The following NCKAP5 variants were observed in gnomAD, a reference collection of about 807,000 sequenced individuals.
The protein encoded by NCKAP5 is nck-associated protein 5.
A neutral mutation model predicts 167.0 loss-of-function variants in NCKAP5; 92 were observed. The ratio of observed to expected loss-of-function variants is 0.55; its 90% CI spans 0.47 to 0.66. The LOEUF (loss-of-function observed/expected upper bound fraction) is 0.66. Ranked by LOEUF, NCKAP5 falls within the 30% of genes least tolerant of loss-of-function variation. The pLI is 0.00. For missense variants in NCKAP5, 2,378 were observed against 2,315.0 expected, an observed-to-expected ratio of 1.03 and a Z score of -0.56; for synonymous variants, 891 against 877.4, an observed-to-expected ratio of 1.02 and a Z score of -0.27.
the NCKAP5 span, among the ~76,000 whole-genome samples, chr2:133,578,967 C>T: frequency 6.6e-6 from 1 of 152,158 alleles, no homozygotes; most frequent in Non-Finnish European, 1.5e-5. Context: ...TTAAGAAACA[C>T]ATACTTAAAG....
chr2:132,678,789 C>G (rs1307094085), intron 19 of NCKAP5, among the ~76,000 whole-genome samples: 1 of 152,150 alleles, frequency 6.6e-6, no homozygotes, highest in Non-Finnish European at 1.5e-5. Context: ...AACAGCCTGA[C>G]TACAGGACTT....
chr2:132,903,136 T>C (rs1574576230), intron 8 of NCKAP5, among the ~76,000 whole-genome samples: 2 of 152,202 alleles, frequency 1.3e-5, no homozygotes, highest in Admixed American at 1.3e-4. Flanking sequence ...AGAAGATGCC[T>C]AGTCTAAAGT....
At chr2:132,780,352 G>A (rs749929075) in intron 15 of NCKAP5, among the ~76,000 whole-genome samples, 2 of 152,054 alleles carry the variant, frequency 1.3e-5, no homozygotes, top group Non-Finnish European at 1.5e-5. Flanking sequence ...GGGTTTCACC[G>A]TGTTAGCCAG....
chr2:132,718,444 CAG>C (rs1343111074), intron 19 of NCKAP5, among the ~76,000 whole-genome samples: 1 of 152,176 alleles, frequency 6.6e-6, no homozygotes, highest in African/African-American at 2.4e-5. Context: ...CAATTTGGGA[CAG>C]AGACTATGAG....
intron 7 of NCKAP5, among the ~76,000 whole-genome samples, chr2:132,990,076 T>C (rs1202683338): frequency 6.6e-6 from 1 of 152,154 alleles, no homozygotes; most frequent in Non-Finnish European, 1.5e-5. Flanking sequence ...GAACACAAGA[T>C]GCTCTGAGAA....
chr2:133,299,039 AAAATAAAT>A (rs370598080), intron 4 of NCKAP5, among the ~76,000 whole-genome samples: 2 of 151,568 alleles, frequency 1.3e-5, no homozygotes, highest in Admixed American at 6.6e-5. Flanking sequence ...TAAAAAAATA[AAAATAAAT>A]AAATAAATAA....
At chr2:133,093,235 C>G (rs1018243936) in intron 6 of NCKAP5, among the ~76,000 whole-genome samples, 2 of 152,116 alleles carry the variant, frequency 1.3e-5, no homozygotes, top group Non-Finnish European at 2.9e-5. Context: ...GGCCTAAACC[C>G]TAAGTATGTG....
intron 19 of NCKAP5, among the ~76,000 whole-genome samples, chr2:132,696,039 TA>T (rs1197553274): frequency 1.3e-5 from 2 of 152,182 alleles, no homozygotes; most frequent in Non-Finnish European, 2.9e-5. Context: ...TGGGTTGTTT[TA>T]AAAAAATAAC....
intron 11 of NCKAP5, among the ~76,000 whole-genome samples, chr2:132,815,274 T>C (rs1271773951): frequency 6.6e-6 from 1 of 152,182 alleles, no homozygotes; most frequent in Non-Finnish European, 1.5e-5. Context: ...TGGTTATGGA[T>C]CTATAAATAA....
chr2:133,503,430 A>T (rs1372829927), intron 3 of NCKAP5, among the ~76,000 whole-genome samples: 3 of 152,322 alleles, frequency 2.0e-5, no homozygotes, highest in Middle Eastern at 3.4e-3. Context: ...AGAAGAGGTT[A>T]AAGATTTTGA....
At chr2:133,358,697 T>C (rs1684901156) in intron 3 of NCKAP5, among the ~76,000 whole-genome samples, 1 of 152,204 alleles carries the variant, frequency 6.6e-6, no homozygotes, top group Non-Finnish European at 1.5e-5. Flanking sequence ...TCTCTTTTCT[T>C]ATGTGAATTG....
the NCKAP5 span, among the ~76,000 whole-genome samples, chr2:133,588,845 T>C: frequency 6.6e-6 from 1 of 152,028 alleles, no homozygotes; most frequent in African/African-American, 2.4e-5. Flanking sequence ...TAGGGACAAA[T>C]GTTCCAGGCA....
intron 4 of NCKAP5, among the ~76,000 whole-genome samples, chr2:133,236,983 C>G (rs1173445826): frequency 6.6e-6 from 1 of 151,954 alleles, no homozygotes; most frequent in Non-Finnish European, 1.5e-5. Context: ...ACCAACATGG[C>G]ACACGTATAC....
chr2:133,462,193 A>G (rs1007006684), intron 3 of NCKAP5, among the ~76,000 whole-genome samples: 1 of 152,214 alleles, frequency 6.6e-6, no homozygotes, highest in Non-Finnish European at 1.5e-5. Context: ...CAGGCAGTAC[A>G]GTCAATTCCA....
chr2:132,708,551 A>G (rs1386836420), intron 19 of NCKAP5, among the ~76,000 whole-genome samples: 1 of 152,160 alleles, frequency 6.6e-6, no homozygotes, highest in African/African-American at 2.4e-5. Flanking sequence ...AGAGAGCACC[A>G]GGCAGATTCC....
intron 3 of NCKAP5, among the ~76,000 whole-genome samples, chr2:133,470,619 G>A (rs113210307): frequency 0.24 from 36,068 of 152,140 alleles, 4,534 homozygotes; most frequent in African/African-American, 0.3. Context: ...CCTCGCTGCC[G>A]CCTTGCAGTT....
At chr2:133,231,081 T>C (rs958835134) in intron 4 of NCKAP5, among the ~76,000 whole-genome samples, 4 of 152,156 alleles carry the variant, frequency 2.6e-5, no homozygotes, top group Admixed American at 6.6e-5. Flanking sequence ...TTATAAATCA[T>C]AGACTACTAC....
At chr2:133,267,976 T>G (rs2150398725) in intron 4 of NCKAP5, among the ~76,000 whole-genome samples, 1 of 152,366 alleles carries the variant, frequency 6.6e-6, no homozygotes, top group East Asian at 1.9e-4. Context: ...ATGTCTAGTT[T>G]TATACATTCT....
intron 3 of NCKAP5, among the ~76,000 whole-genome samples, chr2:133,318,260 C>T (rs1001255062): frequency 6.6e-6 from 1 of 152,126 alleles, no homozygotes; most frequent in Non-Finnish European, 1.5e-5. Flanking sequence ...CCATCCCTGC[C>T]CCACCCAAAA....
Sources: gnomAD v4.1 joint callset for allele counts (sites outside exome capture counted in the v4.1 genomes callset) on GRCh38, gnomAD v4.1.1 for gene constraint, MANE v1.5 for transcripts, NCBI Gene and HGNC (gene_info 2026-07-23, HGNC 2026-07-21) for gene names.